IRAK1BP1: variants seen among roughly 807,000 people sequenced by gnomAD.
The protein encoded by IRAK1BP1 is interleukin 1 receptor associated kinase 1 binding protein 1, also known as interleukin-1 receptor-associated kinase 1-binding protein 1.
IRAK1BP1 carries 24 observed loss-of-function variants against 28.0 expected under a neutral mutation model. That is an observed-to-expected ratio of 0.86 (90% CI 0.62 to 1.20). The LOEUF is 1.20. Ranked by LOEUF, IRAK1BP1 falls within the 50% of genes most tolerant of loss-of-function variation. IRAK1BP1 has a pLI of 0.00. For missense variants in IRAK1BP1, 336 were observed against 316.7 expected (o/e 1.06, Z -0.46); for synonymous variants, 131 against 116.3 (o/e 1.13, Z -0.81).
chr6:78,973,965 A>C, the IRAK1BP1 span, among the ~76,000 whole-genome samples: 2 of 152,080 alleles, frequency 1.3e-5, no homozygotes, highest in Non-Finnish European at 2.9e-5. Context: ...TAGACAGATC[A>C]ACGAGACAGA....
At chr6:78,966,624 CAG>C in the IRAK1BP1 span, among the ~76,000 whole-genome samples, 269 of 152,262 alleles carry the variant, frequency 1.8e-3, 1 homozygote, top group Middle Eastern at 0.017. Flanking sequence ...CTTTTTAAAA[CAG>C]AGGACACTCC....
rs138112489 is a variant in IRAK1BP1, at chr6:78,923,887, C to A, written c.*67+20777C>A. ...GAAACCAACGAGAACAAAGAGACAACGTACCAGAATCTCTGGGGCACATTC... is the reference window on the plus strand; with the variant it reads ...GAAACCAACGAGAACAAAGAGACAAAGTACCAGAATCTCTGGGGCACATTC... On this transcript the variant is annotated intron_variant and NMD_transcript_variant, in intron 4 of 4. Transcript: ENST00000606868. Among the ~76,000 whole-genome samples, 565 of 152,234 alleles carry A rather than the reference C, an allele frequency of 3.7e-3. 17 individuals are homozygous for A. The East Asian group carries it at 0.07, about 19-fold the overall frequency.
chr6:78,873,120 G>A (rs976247880), intron 1 of IRAK1BP1, among the ~76,000 whole-genome samples: 1 of 151,560 alleles, frequency 6.6e-6, no homozygotes, highest in Non-Finnish European at 1.5e-5. Context: ...GCCAGGCATG[G>A]TGGTGGGCGC....
intron 4 of IRAK1BP1, among the ~76,000 whole-genome samples, chr6:78,942,217 T>C (rs1773540386): frequency 6.6e-6 from 1 of 152,204 alleles, no homozygotes; most frequent in South Asian, 2.1e-4. Flanking sequence ...GTGCAGTGGC[T>C]CACGATTATA....
the IRAK1BP1 span, among the ~76,000 whole-genome samples, chr6:78,973,851 T>C: frequency 1.3e-5 from 2 of 151,618 alleles, no homozygotes; most frequent in African/African-American, 2.4e-5. Flanking sequence ...ATGCACCCAA[T>C]ACAGGAGCAC....
chr6:78,933,626 A>AAAAACC (rs1773144179), intron 4 of IRAK1BP1, among the ~76,000 whole-genome samples: 1 of 152,062 alleles, frequency 6.6e-6, no homozygotes. Flanking sequence ...AAACAAAAAC[A>AAAAACC]AAAACCAAAA....
At chr6:78,976,576 G>C in the IRAK1BP1 span, among the ~76,000 whole-genome samples, 2 of 136,028 alleles carry the variant, frequency 1.5e-5, no homozygotes, top group African/African-American at 5.4e-5. Context: ...ACTACCATCA[G>C]AGTGAACAGG....
intron 1 of IRAK1BP1, among the ~76,000 whole-genome samples, chr6:78,882,345 T>C (rs1399083788): frequency 6.6e-6 from 1 of 152,122 alleles, no homozygotes; most frequent in Non-Finnish European, 1.5e-5. Context: ...TAAAGTAGTA[T>C]TTATTGAGTG....
intron 4 of IRAK1BP1, among the ~76,000 whole-genome samples, chr6:78,919,919 T>A (rs1772674521): frequency 6.6e-6 from 1 of 152,006 alleles, no homozygotes; most frequent in Non-Finnish European, 1.5e-5. Flanking sequence ...GACACAAAAG[T>A]CCTCAACATA....
intron 2 of IRAK1BP1, 144 bp from the exon 3 acceptor site, chr6:78,897,685 T>A: frequency 2.0e-6 from 1 of 502,778 alleles, no homozygotes; most frequent in Non-Finnish European, 3.2e-6. Flanking sequence ...AATTTAGTTA[T>A]AAGTATCAAA....
chr6:78,960,333 T>C, the IRAK1BP1 span, among the ~76,000 whole-genome samples: 4 of 152,132 alleles, frequency 2.6e-5, no homozygotes, highest in African/African-American at 9.6e-5. Context: ...TGTATACAAA[T>C]AGTTCTTTCC....
At chr6:78,945,569 A>T (rs1773767743) in exon 5 of IRAK1BP1, 1 of 906,774 alleles carries the variant, frequency 1.1e-6, no homozygotes, top group African/African-American at 1.7e-5. Flanking sequence ...GTTAACCTGA[A>T]TTATTTGAAT....
At chr6:78,926,793 T>C (rs1440259774) in intron 4 of IRAK1BP1, among the ~76,000 whole-genome samples, 10 of 152,074 alleles carry the variant, frequency 6.6e-5, no homozygotes, top group Admixed American at 4.6e-4. Flanking sequence ...AGTAAGAACA[T>C]ATGATGTTTG....
downstream of IRAK1BP1, among the ~76,000 whole-genome samples, chr6:78,904,802 T>TAA (rs1772220604): frequency 6.6e-6 from 1 of 152,210 alleles, no homozygotes; most frequent in African/African-American, 2.4e-5. Flanking sequence ...GAAGTATAAT[T>TAA]AATTCAAAGT....
chr6:78,955,171 A>C, the IRAK1BP1 span: 1 of 1,165,784 alleles, frequency 8.6e-7, no homozygotes, highest in Non-Finnish European at 1.2e-6. Flanking sequence ...AAAAATAAAG[A>C]AAGCTCTTAA....
chr6:78,909,170 T>A (rs1389423766), intron 4 of IRAK1BP1, among the ~76,000 whole-genome samples: 1 of 152,228 alleles, frequency 6.6e-6, no homozygotes, highest in African/African-American at 2.4e-5. Flanking sequence ...TTATGATTTT[T>A]CAACTTTATG....
the IRAK1BP1 span, among the ~76,000 whole-genome samples, chr6:78,960,241 T>C: frequency 1.3e-5 from 2 of 152,206 alleles, no homozygotes; most frequent in African/African-American, 2.4e-5. Flanking sequence ...ATTATCATGT[T>C]GAGCAATATG....
intron 4 of IRAK1BP1, among the ~76,000 whole-genome samples, chr6:78,932,775 G>C (rs1280379958): frequency 6.6e-6 from 1 of 152,132 alleles, no homozygotes; most frequent in African/African-American, 2.4e-5. Context: ...TCCTTGATCT[G>C]TGAGGTGCAG....
chr6:78,920,259 A>G (rs938499929), intron 4 of IRAK1BP1, among the ~76,000 whole-genome samples: 3 of 152,146 alleles, frequency 2.0e-5, no homozygotes, highest in African/African-American at 7.2e-5. Context: ...TCTCAAATAA[A>G]AAATTTTACA....
Sources: gnomAD v4.1 joint callset for allele counts (sites outside exome capture counted in the v4.1 genomes callset) on GRCh38, gnomAD v4.1.1 for gene constraint, MANE v1.5 for transcripts, NCBI Gene and HGNC (gene_info 2026-07-23, HGNC 2026-07-21) for gene names.